Variants in BAZ1A observed in about 807,000 individuals in gnomAD.
BAZ1A encodes bromodomain adjacent to zinc finger domain protein 1A.
Under a neutral mutation model 185.2 loss-of-function variants are expected in BAZ1A, and 50 were observed. That is an observed-to-expected ratio of 0.27 (90% CI 0.22 to 0.34). The LOEUF (loss-of-function observed/expected upper bound fraction) is 0.34, where lower values mean the gene tolerates loss of function less well. Among genes scored for constraint, BAZ1A ranks in the 10% least tolerant of loss-of-function variants. The probability of loss-of-function intolerance (pLI) is 1.00; values close to 1 mark genes in which losing one functional copy is unlikely to be tolerated. For synonymous variants in BAZ1A, 571 were observed against 615.6 expected (o/e 0.93, Z 1.07); for missense variants, 1,356 against 1,839.9 (o/e 0.74, Z 4.81).
At chr14:34,875,091 G>A (rs953098769) in intron 1 of BAZ1A, 47 bp downstream of exon 1, 353 of 360,828 alleles carry the variant, frequency 9.8e-4, no homozygotes, top group Non-Finnish European at 1.6e-3. Context: ...TTCCCGGCTC[G>A]CCTCCACTTC....
At chr14:34,773,541 T>C (rs775089649) in intron 20 of BAZ1A, 31 bp downstream of exon 20, 1 of 1,497,978 alleles carries the variant, frequency 6.7e-7, no homozygotes, top group South Asian at 1.3e-5. Context: ...CAAGGAAAAG[T>C]AATGGTTACT....
chr14:34,821,977 C>T (rs2042097004), intron 4 of BAZ1A, among the ~76,000 whole-genome samples: 1 of 151,404 alleles, frequency 6.6e-6, no homozygotes, highest in Admixed American at 6.6e-5. Flanking sequence ...AGAGCAAAAC[C>T]CCATCTCAAA....
intron 17 of BAZ1A, among the ~76,000 whole-genome samples, chr14:34,778,165 A>G (rs1879780533): frequency 6.6e-6 from 1 of 152,208 alleles, no homozygotes; most frequent in African/African-American, 2.4e-5. Context: ...CTTTTGTTCA[A>G]AGAGATGGGA....
At chr14:34,767,484 AG>A (rs1686248883) in intron 21 of BAZ1A, among the ~76,000 whole-genome samples, 1 of 152,188 alleles carries the variant, frequency 6.6e-6, no homozygotes, top group Non-Finnish European at 1.5e-5. Context: ...CAGGAGGCAA[AG>A]GTTGCAGATT....
At chr14:34,873,836 C>T (rs2042993590) in intron 2 of BAZ1A, among the ~76,000 whole-genome samples, 1 of 152,184 alleles carries the variant, frequency 6.6e-6, no homozygotes, top group Non-Finnish European at 1.5e-5. Flanking sequence ...CACTCCGAGG[C>T]CTAGCAGCGC....
intron 9 of BAZ1A, among the ~76,000 whole-genome samples, chr14:34,796,662 A>T (rs1566567253): frequency 6.6e-6 from 1 of 152,334 alleles, no homozygotes; most frequent in African/African-American, 2.4e-5. Flanking sequence ...GTCTCTAATA[A>T]AACAGTGTAA....
At position 34,793,408 on chromosome 14, in the gene BAZ1A, G is replaced by T. The variant is rs183584065; in HGVS notation, c.1364-487C>A. Among the ~76,000 whole-genome samples the T allele has an allele frequency of 1.0e-3, 159 of 152,242 alleles. 1 individual carries two copies. The highest frequency in any genetic ancestry group is 3.4e-3 in the African/African-American group (141 of 41,554). On this transcript the variant is annotated intron_variant, in intron 11 of 26. Coordinates refer to ENST00000360310, the MANE Select transcript of BAZ1A (RefSeq NM_013448.3). ...ATCTCACCTAAACCAGCACTGTTTA[G>T]ACCTCCTTGATCTATAAGACACAAT...
intron 3 of BAZ1A, among the ~76,000 whole-genome samples, chr14:34,832,950 G>T (rs1262706668): frequency 6.6e-6 from 1 of 151,920 alleles, no homozygotes; most frequent in East Asian, 1.9e-4. Flanking sequence ...AGCAAACTGT[G>T]GTATATACAT....
intron 24 of BAZ1A, among the ~76,000 whole-genome samples, chr14:34,761,067 T>G (rs567638001): frequency 6.6e-6 from 1 of 152,100 alleles, no homozygotes; most frequent in African/African-American, 2.4e-5. Context: ...TCACCTGAGG[T>G]CAGGAGTTCA....
intron 17 of BAZ1A, 23 bp from the exon 18 acceptor site, chr14:34,776,538 C>A: frequency 6.6e-7 from 1 of 1,524,356 alleles, no homozygotes; most frequent in Non-Finnish European, 8.8e-7. Flanking sequence ...TAAAATGTTT[C>A]ATCATCATCA....
intron 12 of BAZ1A, among the ~76,000 whole-genome samples, chr14:34,791,148 A>AGAG (rs1555339955): frequency 2.4e-3 from 361 of 151,550 alleles, no homozygotes; most frequent in African/African-American, 5.8e-3. Flanking sequence ...AGAGAAGAGA[A>AGAG]AAGAGAAGAG....
At chr14:34,863,946 C>A (rs2042812840) in intron 2 of BAZ1A, among the ~76,000 whole-genome samples, 1 of 151,806 alleles carries the variant, frequency 6.6e-6, no homozygotes, top group Admixed American at 6.6e-5. Flanking sequence ...GCCTCAGCCT[C>A]CTGAGTATTT....
intron 9 of BAZ1A, among the ~76,000 whole-genome samples, 187 bp from the exon 10 acceptor site, chr14:34,795,952 G>A (rs998638265): frequency 1.4e-4 from 21 of 151,968 alleles, no homozygotes; most frequent in African/African-American, 4.8e-4. Flanking sequence ...TTTAATACAC[G>A]CTAAAGTTTT....
At position 34,798,268 on chromosome 14, in the gene BAZ1A, G is replaced by A. The variant is rs1265247371; in HGVS notation, c.1128+1956C>T. ...TGTAGACCACACCGCTGGGGGCAGGGTGTAGCTGAACAAAAGACAGCAGAA... is the reference window on the plus strand; with the variant it reads ...TGTAGACCACACCGCTGGGGGCAGGATGTAGCTGAACAAAAGACAGCAGAA... On this transcript the variant is annotated intron_variant, in intron 9 of 26. Transcript: ENST00000360310. 3.3e-5 allele frequency among the ~76,000 whole-genome samples: 5 copies of A among 152,396 alleles called. No homozygotes were observed. In the East Asian group the frequency reaches 7.7e-4, roughly 23 times the overall value.
intron 20 of BAZ1A, among the ~76,000 whole-genome samples, chr14:34,772,083 T>G (rs932212151): frequency 6.6e-6 from 1 of 151,984 alleles, no homozygotes; most frequent in African/African-American, 2.4e-5. Context: ...GTCTCCTGAG[T>G]AGCTGGGACT....
intron 25 of BAZ1A, among the ~76,000 whole-genome samples, chr14:34,755,651 A>G (rs1886205742): frequency 6.6e-6 from 1 of 152,044 alleles, no homozygotes; most frequent in Non-Finnish European, 1.5e-5. Context: ...TGTCTACTCT[A>G]CTTCTGTAAT....
At chr14:34,826,266 T>C (rs1479762146) in intron 3 of BAZ1A, 110 bp from the exon 4 acceptor site, 4 of 1,045,682 alleles carry the variant, frequency 3.8e-6, no homozygotes, top group African/African-American at 3.3e-5. Context: ...GCAGAGGCTA[T>C]AGCTGATTGA....
At chr14:34,837,297 A>T (rs2042345611) in intron 3 of BAZ1A, among the ~76,000 whole-genome samples, 1 of 151,728 alleles carries the variant, frequency 6.6e-6, no homozygotes. Flanking sequence ...GCTGGCGTGC[A>T]GTGGTGTGAT....
chr14:34,756,462 A>G (rs1594803346), intron 25 of BAZ1A, among the ~76,000 whole-genome samples: 2 of 96,664 alleles, frequency 2.1e-5, no homozygotes, highest in African/African-American at 7.6e-5. Flanking sequence ...CAGCCAGAAT[A>G]CCTATTTTTT....
Sources: gnomAD v4.1 joint callset for allele counts (sites outside exome capture counted in the v4.1 genomes callset) on GRCh38, gnomAD v4.1.1 for gene constraint, MANE v1.5 for transcripts, NCBI Gene and HGNC (gene_info 2026-07-23, HGNC 2026-07-21) for gene names.